MITF: variants seen among roughly 807,000 people sequenced by gnomAD.
MITF encodes microphthalmia-associated transcription factor.
In MITF, 17 loss-of-function variants were observed where a neutral mutation model predicts 60.5. The ratio of observed to expected loss-of-function variants is 0.28; its 90% CI spans 0.19 to 0.42. The LOEUF (loss-of-function observed/expected upper bound fraction) is 0.42. Ranked by LOEUF, MITF falls within the 10% of genes least tolerant of loss-of-function variation. MITF has a pLI of 1.00. For synonymous variants in MITF, 260 were observed against 248.5 expected, an observed-to-expected ratio of 1.05 and a Z score of -0.43; for missense variants, 622 against 683.5, an observed-to-expected ratio of 0.91 and a Z score of 1.00.
At chr3:69,903,408 C>T (rs909942118) in intron 2 of MITF, among the ~76,000 whole-genome samples, 1 of 152,142 alleles carries the variant, frequency 6.6e-6, no homozygotes, top group Non-Finnish European at 1.5e-5. Context: ...GTTCTGTGAC[C>T]TGAGACCTTC....
At chr3:69,805,626 G>A (rs997226675) in intron 1 of MITF, among the ~76,000 whole-genome samples, 2 of 152,168 alleles carry the variant, frequency 1.3e-5, no homozygotes, top group Non-Finnish European at 2.9e-5. Flanking sequence ...GTATGCAACA[G>A]ACACTCGATA....
At chr3:69,782,594 G>A (rs1276113755) in intron 1 of MITF, among the ~76,000 whole-genome samples, 1 of 152,124 alleles carries the variant, frequency 6.6e-6, no homozygotes, top group South Asian at 2.1e-4. Context: ...AACCCAAGCA[G>A]CATTACAGAG....
chr3:69,868,520 G>C (rs58917269), intron 1 of MITF, among the ~76,000 whole-genome samples: 2 of 152,166 alleles, frequency 1.3e-5, no homozygotes, highest in African/African-American at 4.8e-5. Flanking sequence ...TAACTCATTT[G>C]AGCTCTTGAG....
chr3:69,930,632 G>A (rs546995937), intron 2 of MITF, among the ~76,000 whole-genome samples: 1 of 152,322 alleles, frequency 6.6e-6, no homozygotes, highest in African/African-American at 2.4e-5. Flanking sequence ...TGATTGAATG[G>A]TGAACATATA....
intron 2 of MITF, among the ~76,000 whole-genome samples, chr3:69,928,733 A>G (rs1575984007): frequency 6.6e-6 from 1 of 152,192 alleles, no homozygotes; most frequent in East Asian, 1.9e-4. Context: ...ATCATTGGTG[A>G]CAAATTCATA....
chr3:69,860,768 G>T (rs1452436450), intron 1 of MITF, among the ~76,000 whole-genome samples: 1 of 152,038 alleles, frequency 6.6e-6, no homozygotes, highest in East Asian at 1.9e-4. Flanking sequence ...ATAATGTTGG[G>T]CTGCATCCCA....
At chr3:69,751,553 A>AT (rs35447609) in intron 1 of MITF, among the ~76,000 whole-genome samples, 3,605 of 122,792 alleles carry the variant, frequency 0.029, 114 homozygotes, top group African/African-American at 0.08. Context: ...AAGCATTTTG[A>AT]TTTTTTTTTT....
At position 69,940,054 on chromosome 3, in the gene MITF, T is replaced by C. The variant is rs531402290; in HGVS notation, c.666+873T>C. 2.0e-5 allele frequency among the ~76,000 whole-genome samples: 3 copies of C among 152,322 alleles called. No homozygotes were observed. In the South Asian group the frequency reaches 6.2e-4, roughly 32 times the overall value. ...TTTTAGGGGTCATTAATAAGACTCC[T>C]TTTTTGAGTGTTTACTATGTTCCTG... On this transcript the variant is annotated intron_variant, in intron 4 of 9. Coordinates refer to ENST00000352241, the MANE Select transcript of MITF (RefSeq NM_001354604.2).
intron 1 of MITF, among the ~76,000 whole-genome samples, chr3:69,854,494 T>C (rs2063881375): frequency 6.6e-6 from 1 of 152,218 alleles, no homozygotes; most frequent in African/African-American, 2.4e-5. Flanking sequence ...TGTTATACTA[T>C]ATTGAGTTTT....
intron 5 of MITF, among the ~76,000 whole-genome samples, chr3:69,945,382 A>G (rs1427859253): frequency 6.6e-6 from 1 of 152,158 alleles, no homozygotes; most frequent in Non-Finnish European, 1.5e-5. Context: ...ATTTAGGTAA[A>G]TGGCCTGGAT....
intron 9 of MITF, 51 bp downstream of exon 9, chr3:69,959,471 C>T (rs749091334): frequency 6.2e-7 from 1 of 1,605,742 alleles, no homozygotes; most frequent in Admixed American, 1.7e-5. Context: ...GACTTCAAGA[C>T]AGTAGAAACA....
intron 1 of MITF, among the ~76,000 whole-genome samples, chr3:69,753,358 T>C (rs1704006772): frequency 6.6e-6 from 1 of 152,234 alleles, no homozygotes; most frequent in Non-Finnish European, 1.5e-5. Context: ...GGCAGAAGCC[T>C]GCTGCAGGGG....
chr3:69,747,584 C>A lies in MITF; in HGVS notation c.104+7883C>A, dbSNP rs116799826. Among the ~76,000 whole-genome samples, 205 of 152,318 alleles carry A rather than the reference C, an allele frequency of 1.3e-3. 1 individual carries two copies. The highest frequency in any genetic ancestry group is 4.3e-3 in the African/African-American group (180 of 41,576). On this transcript the variant is annotated intron_variant, in intron 1 of 9. Transcript: ENST00000352241. ...GGCTTAGTAGGTGTTCAGGGTTACC[C>A]ATAGGACTGAAGTTAACATATGAAT...
chr3:69,776,703 C>T (rs375356492), intron 1 of MITF, among the ~76,000 whole-genome samples: 13 of 152,034 alleles, frequency 8.6e-5, no homozygotes, highest in South Asian at 6.2e-4. Flanking sequence ...TTGTAATATG[C>T]GGATGATTCT....
chr3:69,839,746 A>C (rs1415708509), intron 1 of MITF, among the ~76,000 whole-genome samples: 1 of 151,906 alleles, frequency 6.6e-6, no homozygotes, highest in Admixed American at 6.6e-5. Context: ...AAAGAAACCG[A>C]TATTTAAAAA....
chr3:69,937,518 G>T (rs1281651947), intron 2 of MITF, among the ~76,000 whole-genome samples: 1 of 151,958 alleles, frequency 6.6e-6, no homozygotes, highest in Non-Finnish European at 1.5e-5. Flanking sequence ...GGAAATTTTT[G>T]CCCTAAGATA....
intron 1 of MITF, among the ~76,000 whole-genome samples, chr3:69,767,335 G>T (rs1172156912): frequency 6.6e-6 from 1 of 152,116 alleles, no homozygotes; most frequent in Admixed American, 6.6e-5. Flanking sequence ...TGTAATCCTG[G>T]CACTTTGGGA....
rs183625262 is a variant in MITF, at chr3:69,956,165, A to G, written c.956-290A>G. ...ATGTCCTCGCCAAGTCCCTAATAAC[A>G]GTATCTCCAAGGCAATTTCATTATT... On this transcript the variant is annotated intron_variant, in intron 7 of 9. Coordinates refer to ENST00000352241, the MANE Select transcript of MITF (RefSeq NM_001354604.2). 3.9e-5 allele frequency among the ~76,000 whole-genome samples: 6 copies of G among 152,212 alleles called. No individual in the cohort carries two copies. The East Asian group carries it at 9.6e-4, about 24-fold the overall frequency.
chr3:69,936,827 T>C, intron 2 of MITF: 1 of 1,409,598 alleles, frequency 7.1e-7, no homozygotes, highest in South Asian at 1.2e-5. Context: ...CACTTTTTGT[T>C]ATTGTAATAG....
Sources: allele counts gnomAD v4.1 joint callset (sites outside exome capture counted in the v4.1 genomes callset), GRCh38; gene constraint gnomAD v4.1.1; transcripts MANE v1.5; gene names NCBI Gene and HGNC (gene_info 2026-07-23, HGNC 2026-07-21).